The following SLC18A1 variants were observed in gnomAD, a reference collection of about 807,000 sequenced individuals.
The protein encoded by SLC18A1 is chromaffin granule amine transporter.
Under a neutral mutation model 53.7 loss-of-function variants are expected in SLC18A1, and 69 were observed. The ratio of observed to expected loss-of-function variants is 1.28; its 90% CI spans 1.06 to 1.57. The LOEUF (loss-of-function observed/expected upper bound fraction) is 1.57. SLC18A1 is among the 40% of genes most tolerant of loss of function. The pLI, the probability that SLC18A1 is intolerant of heterozygous loss-of-function variation, is 0.00. For missense variants in SLC18A1, 932 were observed against 668.1 expected, an observed-to-expected ratio of 1.40 and a Z score of -4.35; for synonymous variants, 320 against 248.1, an observed-to-expected ratio of 1.29 and a Z score of -2.72.
chr8:20,147,760 C>G, intron 13 of SLC18A1, 38 bp from the exon 14 acceptor site: 1 of 1,602,372 alleles, frequency 6.2e-7, no homozygotes, highest in Non-Finnish European at 8.5e-7. Context: ...CAGCCCCACC[C>G]ACAGTTAGTA....
rs2072316592 is a variant in SLC18A1 at position 20,178,623 on chromosome 8, T to C, written c.489-130A>G. On this transcript the variant is annotated intron_variant, in intron 3 of 15. Coordinates refer to ENST00000276373, the MANE Select transcript of SLC18A1 (RefSeq NM_003053.4). ...GTATGGTAAAACATGCCTCTGAATG[T>C]AGTGTGGAGATGAAATAGGGCATGT... 2.2e-5 allele frequency: 15 copies of C among 682,170 alleles called. No individual in the cohort carries two copies. The East Asian group carries it at 3.3e-4, about 15-fold the overall frequency. 42.3% of individuals were successfully genotyped at this position (682,170 alleles called of 1,614,324 possible).
chr8:20,156,184 AG>A (rs1482485402), intron 10 of SLC18A1, among the ~76,000 whole-genome samples: 1 of 152,212 alleles, frequency 6.6e-6, no homozygotes, highest in African/African-American at 2.4e-5. Flanking sequence ...TGCTAACAGA[AG>A]GAAGTAGAAA....
At position 20,171,466 on chromosome 8, in the gene SLC18A1, G is replaced by A. The variant is rs17092129; in HGVS notation, c.753C>T (p.Tyr251=). Residue 251 remains tyrosine, a synonymous_variant, in exon 7 of 16, where the codon TAC becomes TAT. Transcript: ENST00000276373. The part of the protein sequence containing the change: ...LVGAPFGSVM[Y]EFVGKSAPFL... ...AGGGTGCAGACTTCCCAACAAACTC[G>A]TACATTACACTTCCAAAGGGAGCTC... is the stretch of plus-strand genomic sequence containing the variant. 0.012 allele frequency: 19,294 copies of A among 1,613,938 alleles called. 172 individuals are homozygous for A. The highest frequency in any genetic ancestry group is 0.039 in the African/African-American group (2,901 of 75,020).
In SLC18A1 at chr8:20,149,589, CCTCTCTCT is replaced by C. The variant is rs60330468; in HGVS notation, c.1146+79_1146+86del. On this transcript the variant is annotated intron_variant, in intron 12 of 15. Coordinates refer to ENST00000276373, the MANE Select transcript of SLC18A1 (RefSeq NM_003053.4). ...CTGTGTCTTTCTCTCTCTCTCTCTC[CCTCTCTCT>C]CTCTCTCTCTCTCTCTCTCTGTCTG... 372 of 791,732 alleles carry C rather than the reference CCTCTCTCT, an allele frequency of 4.7e-4. 1 individual carries two copies. The highest frequency in any genetic ancestry group is 3.6e-3 in the South Asian group (213 of 58,920). The allele number at this position is 791,732 out of a possible 1,614,324, so 49.0% of individuals were successfully genotyped here. A position where few individuals can be genotyped will look rare whatever the true frequency, so the allele number is the denominator to read the frequency against.
chr8:20,163,552 T>C (rs17489926), intron 10 of SLC18A1, among the ~76,000 whole-genome samples: 2,544 of 152,238 alleles, frequency 0.017, 35 homozygotes, highest in Admixed American at 0.032. Context: ...TTCAAAAGCA[T>C]GGACTCCTTT....
intron 1 of SLC18A1, 107 bp from the exon 2 acceptor site, chr8:20,181,194 T>A (rs2072420610): frequency 8.0e-6 from 3 of 375,504 alleles, no homozygotes; most frequent in Admixed American, 4.4e-5. Context: ...TAACTCTACC[T>A]GGTTCCCAGA....
rs73608373 is a variant in SLC18A1, at chr8:20,181,209, C to T, written c.-123-122G>A. On this transcript the variant is annotated intron_variant, in intron 1 of 15. Coordinates refer to ENST00000276373, the MANE Select transcript of SLC18A1 (RefSeq NM_003053.4). ...TAACTCTACCTGGTTCCCAGAATGC[C>T]TTCCTGGTAAGCATCGCTTACTAGC... is the stretch of plus-strand genomic sequence containing the variant. 4.1e-3 allele frequency: 1,422 copies of T among 348,382 alleles called. 18 individuals are homozygous for T. The highest frequency in any genetic ancestry group is 0.023 in the African/African-American group (1,116 of 47,940). 21.6% of individuals were successfully genotyped at this position (348,382 alleles called of 1,614,324 possible). A position where few individuals can be genotyped will look rare whatever the true frequency, so the allele number is the denominator to read the frequency against.
chr8:20,157,135 C>T (rs1331232826), intron 10 of SLC18A1, among the ~76,000 whole-genome samples: 3 of 152,192 alleles, frequency 2.0e-5, no homozygotes, highest in Non-Finnish European at 4.4e-5. Flanking sequence ...ATAGAGGACA[C>T]TCTAGGACTA....
In SLC18A1 at chr8:20,171,500, G is replaced by T; in HGVS notation, c.725-6C>A. 1 of 1,608,374 alleles carries T rather than the reference G, an allele frequency of 6.2e-7. No individual in the cohort carries two copies. The highest frequency in any genetic ancestry group is 8.5e-7 in the Non-Finnish European group (1 of 1,174,842). On this transcript the variant is annotated splice_polypyrimidine_tract_variant and splice_region_variant and intron_variant, in intron 6 of 15. Coordinates refer to ENST00000276373, the MANE Select transcript of SLC18A1 (RefSeq NM_003053.4). ...ACTTCCAAAGGGAGCTCCCACTGGA[G>T]AGGCATAGGAGACACAGATTCCAGA...
At chr8:20,167,265 A>T (rs1339276772) in intron 8 of SLC18A1, among the ~76,000 whole-genome samples, 1 of 152,208 alleles carries the variant, frequency 6.6e-6, no homozygotes, top group African/African-American at 2.4e-5. Context: ...GGCTATATTC[A>T]TTAAGTCTAA....
At chr8:20,158,703 G>C (rs969635870) in intron 10 of SLC18A1, among the ~76,000 whole-genome samples, 1 of 152,134 alleles carries the variant, frequency 6.6e-6, no homozygotes, top group East Asian at 1.9e-4. Context: ...GTGGAGGTTA[G>C]TGCAAGATCT....
chr8:20,167,211 A>G (rs2071991211), intron 8 of SLC18A1, among the ~76,000 whole-genome samples: 2 of 152,172 alleles, frequency 1.3e-5, no homozygotes, highest in African/African-American at 4.8e-5. Context: ...TAAAGGTGGA[A>G]AAAAGAACTA....
At chr8:20,160,936 A>G (rs897810681) in intron 10 of SLC18A1, among the ~76,000 whole-genome samples, 3 of 152,188 alleles carry the variant, frequency 2.0e-5, no homozygotes, top group Non-Finnish European at 2.9e-5. Context: ...ACCCACTCCT[A>G]TGATAATTGC....
At chr8:20,170,164 G>T (rs1470531232) in intron 8 of SLC18A1, among the ~76,000 whole-genome samples, 3 of 152,188 alleles carry the variant, frequency 2.0e-5, no homozygotes, top group African/African-American at 4.8e-5. Context: ...CCTAAAGCCA[G>T]TCTGTAAAGA....
At chr8:20,161,853 G>A (rs1412855370) in intron 10 of SLC18A1, among the ~76,000 whole-genome samples, 1 of 152,140 alleles carries the variant, frequency 6.6e-6, no homozygotes, top group East Asian at 1.9e-4. Context: ...GTCTTTCCGG[G>A]CTGAGTCTAC....
chr8:20,178,328 T>C, intron 4 of SLC18A1, 107 bp downstream of exon 4: 2 of 832,046 alleles, frequency 2.4e-6, no homozygotes, highest in Non-Finnish European at 3.8e-6. Flanking sequence ...GTCTGCTTAG[T>C]CAGATGCCTA....
intron 1 of SLC18A1, among the ~76,000 whole-genome samples, chr8:20,182,583 A>G (rs2072457071): frequency 6.6e-6 from 1 of 152,226 alleles, no homozygotes; most frequent in Admixed American, 6.5e-5. Context: ...AAAGAAGTAA[A>G]TAATTTTAAA....
Position 20,146,311 on chromosome 8 carries a change from G to C in SLC18A1, c.1465-435C>G, listed in dbSNP as rs1161721001. ...GCTAAGTACTCAAGAAACATGCATA[G>C]GACCCTCTGCATGTACATGCACCAG... is the stretch of plus-strand genomic sequence containing the variant. On this transcript the variant is annotated intron_variant, in intron 15 of 15. Transcript: ENST00000276373. 8.5e-5 allele frequency among the ~76,000 whole-genome samples: 13 copies of C among 152,118 alleles called. 1 individual carries two copies.
intron 11 of SLC18A1, among the ~76,000 whole-genome samples, chr8:20,150,259 A>C (rs780283764): frequency 3.3e-5 from 5 of 152,188 alleles, no homozygotes; most frequent in Non-Finnish European, 7.3e-5. Context: ...CTTGGCCCCC[A>C]ACCCTTCCTC....
Sources: gnomAD v4.1 joint callset for allele counts (sites outside exome capture counted in the v4.1 genomes callset) on GRCh38, gnomAD v4.1.1 for gene constraint, MANE v1.5 for transcripts, NCBI Gene and HGNC (gene_info 2026-07-23, HGNC 2026-07-21) for gene names.